AKAP13: variants seen among roughly 807,000 people sequenced by gnomAD.
AKAP13 encodes A-kinase anchoring protein 13.
A neutral mutation model predicts 264.5 loss-of-function variants in AKAP13; 80 were observed. The observed-to-expected ratio is 0.30, with a 90% confidence interval of 0.25 to 0.36. The LOEUF (loss-of-function observed/expected upper bound fraction) is 0.36. Ranked by LOEUF, AKAP13 falls within the 10% of genes least tolerant of loss-of-function variation. The pLI is 1.00. For synonymous variants in AKAP13, 1,380 were observed against 1,250.2 expected (o/e 1.10, Z -2.19); for missense variants, 3,712 against 3,435.2 (o/e 1.08, Z -2.01).
intron 10 of AKAP13, among the ~76,000 whole-genome samples, chr15:85,653,097 G>A (rs920174091): frequency 3.3e-5 from 5 of 152,144 alleles, no homozygotes; most frequent in Non-Finnish European, 5.9e-5. Context: ...CCCGTGAATA[G>A]GACCCCTTTA....
intron 33 of AKAP13, among the ~76,000 whole-genome samples, chr15:85,738,754 C>T (rs2088729001): frequency 1.4e-5 from 2 of 146,606 alleles, no homozygotes; most frequent in African/African-American, 2.5e-5. Flanking sequence ...AGGAGAATGG[C>T]GTGAACCCGG....
chr15:85,559,147 A>G (rs1567124336), intron 5 of AKAP13, among the ~76,000 whole-genome samples: 1 of 152,082 alleles, frequency 6.6e-6, no homozygotes, highest in African/African-American at 2.4e-5. Context: ...CTCGCTTTGA[A>G]AATAATTTTC....
intron 1 of AKAP13, among the ~76,000 whole-genome samples, chr15:85,419,541 A>T (rs1392467589): frequency 6.6e-6 from 1 of 152,240 alleles, no homozygotes. Context: ...TTGCCTAATC[A>T]TTTAAGAGTG....
At chr15:85,630,206 CACATCAT>C (rs754654041) in intron 8 of AKAP13, among the ~76,000 whole-genome samples, 9,216 of 51,008 alleles carry the variant, frequency 0.18, 638 homozygotes, top group Middle Eastern at 0.28. Flanking sequence ...CACACACACA[CACATCAT>C]GAACTAAGAT....
chr15:85,644,371 G>T (rs1231012934), intron 9 of AKAP13, among the ~76,000 whole-genome samples: 4 of 151,746 alleles, frequency 2.6e-5, no homozygotes, highest in Non-Finnish European at 5.9e-5. Flanking sequence ...CTCCCAAGTA[G>T]CTGGGATTAC....
At chr15:85,559,881 T>G (rs908676103) in intron 5 of AKAP13, among the ~76,000 whole-genome samples, 1 of 152,138 alleles carries the variant, frequency 6.6e-6, no homozygotes, top group African/African-American at 2.4e-5. Flanking sequence ...TAATCACTTA[T>G]AACTTATAAT....
chr15:85,739,003 T>G (rs1231560996), intron 33 of AKAP13, among the ~76,000 whole-genome samples: 1 of 152,230 alleles, frequency 6.6e-6, no homozygotes, highest in Non-Finnish European at 1.5e-5. Flanking sequence ...CCTCTTAATA[T>G]GCATTAAAAA....
At chr15:85,543,206 G>C (rs1596480119) in intron 4 of AKAP13, among the ~76,000 whole-genome samples, 1 of 152,222 alleles carries the variant, frequency 6.6e-6, no homozygotes, top group East Asian at 1.9e-4. Flanking sequence ...GGCAGTGCCA[G>C]AAATTTGATT....
intron 15 of AKAP13, 185 bp from the exon 16 acceptor site, chr15:85,684,556 G>A: frequency 1.7e-6 from 1 of 589,808 alleles, no homozygotes; most frequent in South Asian, 2.2e-5. Context: ...AAACAGACAA[G>A]TGAACAAGAA....
chr15:85,681,517 G>A (rs1236765122), intron 14 of AKAP13, among the ~76,000 whole-genome samples: 1 of 151,984 alleles, frequency 6.6e-6, no homozygotes, highest in Non-Finnish European at 1.5e-5. Flanking sequence ...GAAGAAGTAC[G>A]CATCTGCCTC....
rs543641848 is a variant in AKAP13, at chr15:85,720,048, G to A, written c.6252+722G>A. Among the ~76,000 whole-genome samples, 67 of 152,200 alleles carry A rather than the reference G, an allele frequency of 4.4e-4. 1 individual carries two copies. The highest frequency in any genetic ancestry group is 3.9e-3 in the Admixed American group (60 of 15,294). On this transcript the variant is annotated intron_variant, in intron 23 of 36. Transcript: ENST00000394518. Reference sequence around the variant, plus strand: ...AGGTGTTCAAGACTAGCCTGGCAACGTACCAAGAGCTGTCTCTACAAAAAA... The same window carrying A: ...AGGTGTTCAAGACTAGCCTGGCAACATACCAAGAGCTGTCTCTACAAAAAA...
intron 1 of AKAP13, among the ~76,000 whole-genome samples, chr15:85,388,166 G>A (rs947642379): frequency 2.0e-5 from 3 of 151,646 alleles, no homozygotes; most frequent in African/African-American, 7.3e-5. Context: ...CTCCTAAGTA[G>A]CTGGGATTAC....
At chr15:85,675,589 C>T (rs1004886698) in intron 14 of AKAP13, among the ~76,000 whole-genome samples, 1 of 152,172 alleles carries the variant, frequency 6.6e-6, no homozygotes, top group Admixed American at 6.5e-5. Context: ...AGGTAGGGTT[C>T]CTTTCCTCAC....
chr15:85,497,189 T>G (rs142659560), intron 2 of AKAP13, among the ~76,000 whole-genome samples: 1 of 152,346 alleles, frequency 6.6e-6, no homozygotes, highest in East Asian at 1.9e-4. Context: ...ACTCTGTACC[T>G]TTAATTCATT....
chr15:85,527,231 G>A (rs2077094244), intron 3 of AKAP13, among the ~76,000 whole-genome samples: 1 of 152,150 alleles, frequency 6.6e-6, no homozygotes, highest in Admixed American at 6.5e-5. Flanking sequence ...CCACAGTGCT[G>A]GGATTACAAG....
intron 1 of AKAP13, among the ~76,000 whole-genome samples, chr15:85,468,352 C>T (rs550356166): frequency 5.9e-5 from 9 of 152,244 alleles, no homozygotes; most frequent in South Asian, 2.1e-4. Context: ...TATGACTTTT[C>T]GTGGTTTTAG....
At chr15:85,682,028 A>T in intron 14 of AKAP13, 130 bp from the exon 15 acceptor site, 1 of 770,026 alleles carries the variant, frequency 1.3e-6, no homozygotes, top group South Asian at 1.6e-5. Flanking sequence ...CTTTAGAAGG[A>T]GGAGGTACCA....
At chr15:85,544,759 A>G (rs2077680356) in intron 5 of AKAP13, among the ~76,000 whole-genome samples, 1 of 152,192 alleles carries the variant, frequency 6.6e-6, no homozygotes, top group Admixed American at 6.5e-5. Flanking sequence ...GGTTATCATC[A>G]TTATCTTTTC....
At chr15:85,517,135 C>T (rs1267899370) in intron 2 of AKAP13, among the ~76,000 whole-genome samples, 1 of 152,190 alleles carries the variant, frequency 6.6e-6, no homozygotes, top group Non-Finnish European at 1.5e-5. Flanking sequence ...GCTGACTGGG[C>T]CCACCTTTGA....
Sources: allele counts gnomAD v4.1 joint callset (sites outside exome capture counted in the v4.1 genomes callset), GRCh38; gene constraint gnomAD v4.1.1; transcripts MANE v1.5; gene names NCBI Gene and HGNC (gene_info 2026-07-23, HGNC 2026-07-21).